PTGER3: variants seen among roughly 807,000 people sequenced by gnomAD.
PTGER3 encodes prostaglandin E receptor 3, also known as prostaglandin E2 receptor EP3 subtype.
PTGER3 carries 22 observed loss-of-function variants against 34.7 expected under a neutral mutation model. The observed-to-expected ratio is 0.63, with a 90% CI of 0.45 to 0.91. The LOEUF (loss-of-function observed/expected upper bound fraction) is 0.91. PTGER3 is among the 40% of genes least tolerant of loss of function. The pLI is 0.00. For missense variants in PTGER3, 468 were observed against 519.4 expected (o/e 0.90, Z 0.96); for synonymous variants, 241 against 230.1 (o/e 1.05, Z -0.43).
At chr1:70,862,108 G>A (rs1044626331) in intron 4 of PTGER3, among the ~76,000 whole-genome samples, 1 of 151,912 alleles carries the variant, frequency 6.6e-6, no homozygotes, top group Non-Finnish European at 1.5e-5. Context: ...GGGTGGGCCT[G>A]GTAAGAAGTA....
At chr1:70,991,433 A>G (rs17090741) in intron 2 of PTGER3, among the ~76,000 whole-genome samples, 8,565 of 152,126 alleles carry the variant, frequency 0.056, 430 homozygotes, top group African/African-American at 0.13. Flanking sequence ...TACTTTCATT[A>G]CACTCTCTGA....
chr1:71,040,896 A>G (rs1166771335), intron 1 of PTGER3, among the ~76,000 whole-genome samples: 1 of 152,176 alleles, frequency 6.6e-6, no homozygotes, highest in Non-Finnish European at 1.5e-5. Context: ...ATCTTAGCCA[A>G]TCCAAGAGAG....
At chr1:71,000,318 C>T (rs1050135670) in intron 2 of PTGER3, among the ~76,000 whole-genome samples, 2 of 152,190 alleles carry the variant, frequency 1.3e-5, no homozygotes, top group African/African-American at 4.8e-5. Flanking sequence ...CTGGAAAGTG[C>T]TGATAACACC....
At chr1:70,862,308 T>A in intron 4 of PTGER3, 2 of 1,351,514 alleles carry the variant, frequency 1.5e-6, no homozygotes, top group Non-Finnish European at 2.0e-6. Context: ...GACTTACATC[T>A]GCTGTCAAAA....
At chr1:70,865,538 G>C in intron 4 of PTGER3, 1 of 1,019,754 alleles carries the variant, frequency 9.8e-7, no homozygotes, top group Non-Finnish European at 1.3e-6. Context: ...ATCTCTTCAG[G>C]GTTCTTGACT....
intron 2 of PTGER3, among the ~76,000 whole-genome samples, chr1:70,994,046 C>T (rs1655704115): frequency 1.3e-5 from 2 of 152,156 alleles, no homozygotes; most frequent in Non-Finnish European, 2.9e-5. Context: ...TTAGACCCTG[C>T]GGCCAAAGGC....
chr1:70,983,357 T>C (rs562699512), intron 2 of PTGER3, among the ~76,000 whole-genome samples: 6 of 152,282 alleles, frequency 3.9e-5, no homozygotes, highest in African/African-American at 1.4e-4. Flanking sequence ...AGTTATTGAA[T>C]ATCAGTACCA....
At chr1:70,874,077 C>A (rs933565831) in intron 4 of PTGER3, among the ~76,000 whole-genome samples, 1 of 152,082 alleles carries the variant, frequency 6.6e-6, no homozygotes, top group South Asian at 2.1e-4. Flanking sequence ...GTTACAAATA[C>A]CAAAAAACAA....
intron 2 of PTGER3, among the ~76,000 whole-genome samples, chr1:70,976,289 A>G (rs931106514): frequency 6.6e-6 from 1 of 152,006 alleles, no homozygotes; most frequent in Non-Finnish European, 1.5e-5. Flanking sequence ...ATTTTTCCAA[A>G]CCCATGGAAT....
At chr1:71,010,739 C>A (rs1026785700) in intron 2 of PTGER3, 8 of 984,994 alleles carry the variant, frequency 8.1e-6, no homozygotes, top group Non-Finnish European at 9.6e-6. Context: ...GTAGAACCAT[C>A]ATTAATTACA....
chr1:70,952,898 T>G, exon 4 of PTGER3: 1 of 1,600,268 alleles, frequency 6.2e-7, no homozygotes, highest in Non-Finnish European at 8.5e-7. Flanking sequence ...TGTAGTTATT[T>G]TCTTCATGTT....
At position 71,012,480 on chromosome 1, in the gene PTGER3, A is replaced by T. The variant is rs768597651; in HGVS notation, c.902T>A (p.Met301Lys). ...CTGATTGAAGATCATTTTCAACATC[A>T]TTATCTAAGAAAAGGGGACAAATAA... The part of the protein sequence containing the change: ...LSVCWSPLLI[M>K]MLKMIFNQTS... The change falls in exon 2 of 4, where the codon ATG becomes AAG. Residue 301 changes from methionine (M) to lysine (K), a missense_variant. Coordinates refer to ENST00000306666, the MANE Select transcript of PTGER3 (RefSeq NM_198719.2). 1.7e-5 allele frequency: 27 copies of T among 1,610,940 alleles called. No individual in the cohort carries two copies. The highest frequency in any genetic ancestry group is 2.2e-5 in the Non-Finnish European group (26 of 1,178,298).
At position 70,927,344 on chromosome 1, in the gene PTGER3, C is replaced by A. The variant is rs183878182; in HGVS notation, c.*23+26419G>T. Among the ~76,000 whole-genome samples the A allele has an allele frequency of 1.4e-4, 22 of 152,152 alleles. 1 individual carries two copies. The highest frequency in any genetic ancestry group is 5.3e-4 in the African/African-American group (22 of 41,520). Reference sequence around the variant, plus strand: ...TTTTGGTTGGAACCTACAGATAGAACCTACAGGAGTTGATGATATGTAAGA... The same window carrying A: ...TTTTGGTTGGAACCTACAGATAGAAACTACAGGAGTTGATGATATGTAAGA... On this transcript the variant is annotated intron_variant, in intron 4 of 4. Transcript: ENST00000370931.
intron 2 of PTGER3, among the ~76,000 whole-genome samples, chr1:70,960,402 T>A (rs550850029): frequency 6.6e-6 from 1 of 152,240 alleles, no homozygotes; most frequent in East Asian, 1.9e-4. Context: ...TCCTTCAAAA[T>A]GATGGCCATT....
At position 70,923,971 on chromosome 1, in the gene PTGER3, A is replaced by C. The variant is rs189554628; in HGVS notation, c.*23+29792T>G. ...TTAAGAAATCAAATTTGACTTGTAGAGCCAATAAAAGTCCCTTGGGGAACT... is the reference window on the plus strand; with the variant it reads ...TTAAGAAATCAAATTTGACTTGTAGCGCCAATAAAAGTCCCTTGGGGAACT... On this transcript the variant is annotated intron_variant, in intron 4 of 4. Transcript: ENST00000370931. 7.2e-5 allele frequency among the ~76,000 whole-genome samples: 11 copies of C among 152,264 alleles called. No individual in the cohort carries two copies. The East Asian group carries it at 2.1e-3, about 29-fold the overall frequency.
At chr1:70,965,818 C>T (rs1180793097), downstream of PTGER3, among the ~76,000 whole-genome samples, 1 of 152,144 alleles carries the variant, frequency 6.6e-6, no homozygotes, top group Non-Finnish European at 1.5e-5. Flanking sequence ...GTATTTTCTT[C>T]TGCTCTTCCA....
chr1:70,900,567 T>C (rs1440347956), intron 4 of PTGER3, among the ~76,000 whole-genome samples: 1 of 152,208 alleles, frequency 6.6e-6, no homozygotes, highest in Admixed American at 6.5e-5. Flanking sequence ...AAAGAGGTTG[T>C]AAACACAGTG....
chr1:70,976,162 A>T (rs1653676312), intron 2 of PTGER3, among the ~76,000 whole-genome samples: 1 of 152,104 alleles, frequency 6.6e-6, no homozygotes, highest in Non-Finnish European at 1.5e-5. Context: ...GTAGTTTGTC[A>T]AGAGCCAAGA....
At chr1:70,895,644 A>G (rs1428745104) in intron 4 of PTGER3, among the ~76,000 whole-genome samples, 1 of 152,118 alleles carries the variant, frequency 6.6e-6, no homozygotes, top group African/African-American at 2.4e-5. Flanking sequence ...CACAAAAACA[A>G]GTTTCTGTTT....
Sources: allele counts gnomAD v4.1 joint callset (sites outside exome capture counted in the v4.1 genomes callset), GRCh38; gene constraint gnomAD v4.1.1; transcripts MANE v1.5; gene names NCBI Gene and HGNC (gene_info 2026-07-23, HGNC 2026-07-21).